The following NRG1 variants were observed in gnomAD, a reference collection of about 807,000 sequenced individuals.
NRG1 encodes neuregulin 1.
Under a neutral mutation model 63.8 loss-of-function variants are expected in NRG1, and 18 were observed. The observed-to-expected ratio is 0.28, with a 90% CI of 0.19 to 0.42. The LOEUF is 0.42. Among genes scored for constraint, NRG1 ranks in the 10% least tolerant of loss-of-function variants. NRG1 has a pLI of 1.00. For synonymous variants in NRG1, 302 were observed against 301.3 expected (o/e 1.00, Z -0.02); for missense variants, 762 against 814.7 (o/e 0.94, Z 0.79).
chr8:32,052,391 T>G (rs1822133673), intron 1 of NRG1, among the ~76,000 whole-genome samples: 1 of 146,094 alleles, frequency 6.8e-6, no homozygotes, highest in South Asian at 2.4e-4. Flanking sequence ...TCCTCCCACC[T>G]CAGCCAACTG....
chr8:32,387,109 A>G (rs897076853), intron 1 of NRG1, among the ~76,000 whole-genome samples: 1 of 152,226 alleles, frequency 6.6e-6, no homozygotes, highest in Non-Finnish European at 1.5e-5. Flanking sequence ...CTTGAACTTA[A>G]GTAACATAGG....
At chr8:32,449,762 G>T (rs1820733103) in intron 1 of NRG1, among the ~76,000 whole-genome samples, 1 of 152,100 alleles carries the variant, frequency 6.6e-6, no homozygotes, top group Non-Finnish European at 1.5e-5. Flanking sequence ...CTTTTTTGGT[G>T]TTTATTTTTT....
At chr8:31,961,019 AT>A (rs376400215) in intron 1 of NRG1, among the ~76,000 whole-genome samples, 6 of 151,722 alleles carry the variant, frequency 4.0e-5, no homozygotes, top group East Asian at 1.9e-4. Context: ...AGTCCTTGGA[AT>A]TTTTTTTTCA....
chr8:32,679,631 C>T (rs1471423419), intron 5 of NRG1, among the ~76,000 whole-genome samples: 1 of 152,144 alleles, frequency 6.6e-6, no homozygotes, highest in Non-Finnish European at 1.5e-5. Flanking sequence ...AGTGTTTAGG[C>T]ATTTCTTACC....
chr8:32,326,568 A>G (rs761634845), intron 1 of NRG1, among the ~76,000 whole-genome samples: 2 of 152,056 alleles, frequency 1.3e-5, no homozygotes, highest in African/African-American at 4.8e-5. Flanking sequence ...CAAGCAATCA[A>G]TCTATCTGCC....
At chr8:32,518,173 C>T (rs1563574872) in intron 1 of NRG1, among the ~76,000 whole-genome samples, 1 of 152,100 alleles carries the variant, frequency 6.6e-6, no homozygotes, top group Non-Finnish European at 1.5e-5. Flanking sequence ...CCTTTTCATG[C>T]TTGTTATTTT....
chr8:32,307,140 T>C (rs1856280192), intron 1 of NRG1, among the ~76,000 whole-genome samples: 2 of 152,120 alleles, frequency 1.3e-5, no homozygotes, highest in South Asian at 4.1e-4. Flanking sequence ...ATGGAATCCA[T>C]TGATAAATCA....
chr8:32,102,266 T>C (rs1450483836), intron 1 of NRG1, among the ~76,000 whole-genome samples: 1 of 152,098 alleles, frequency 6.6e-6, no homozygotes, highest in Admixed American at 6.5e-5. Flanking sequence ...GCCTCCCAAG[T>C]AGCTGGGACT....
At chr8:32,437,626 C>A (rs1230788298) in intron 1 of NRG1, among the ~76,000 whole-genome samples, 1 of 152,132 alleles carries the variant, frequency 6.6e-6, no homozygotes, top group Non-Finnish European at 1.5e-5. Flanking sequence ...GAAGAGCTTG[C>A]AAAATACCTT....
intron 6 of NRG1, among the ~76,000 whole-genome samples, chr8:32,735,054 TACAATGAAAG>T (rs1185295134): frequency 6.6e-6 from 1 of 152,164 alleles, no homozygotes; most frequent in African/African-American, 2.4e-5. Context: ...TAAGGGAATG[TACAATGAAAG>T]ACCTAGTCAG....
chr8:31,679,370 G>C (rs4354265), intron 1 of NRG1, among the ~76,000 whole-genome samples: 29,476 of 151,878 alleles, frequency 0.19, 3,370 homozygotes, highest in East Asian at 0.27. Context: ...TTTCTTAATA[G>C]AAAGTAAACT....
At chr8:32,768,246 C>A (rs1337931246), downstream of NRG1, among the ~76,000 whole-genome samples, 1 of 152,194 alleles carries the variant, frequency 6.6e-6, no homozygotes, top group Non-Finnish European at 1.5e-5. Flanking sequence ...AGAGAATATT[C>A]TAGGGCATGA....
At chr8:31,919,197 A>C (rs1005591084) in intron 1 of NRG1, among the ~76,000 whole-genome samples, 12 of 151,494 alleles carry the variant, frequency 7.9e-5, no homozygotes, top group African/African-American at 2.9e-4. Flanking sequence ...TTGTGTCTCT[A>C]TTTCCTTCCG....
chr8:32,473,563 T>C (rs886423088), intron 1 of NRG1, among the ~76,000 whole-genome samples: 16 of 152,234 alleles, frequency 1.1e-4, no homozygotes, highest in Admixed American at 9.8e-4. Context: ...CTAGACCAAA[T>C]ATACCTAATT....
chr8:32,757,045 AC>A (rs1301228020), intron 9 of NRG1, among the ~76,000 whole-genome samples: 9 of 152,074 alleles, frequency 5.9e-5, no homozygotes, highest in Non-Finnish European at 8.8e-5. Flanking sequence ...CTTATCAAAC[AC>A]CCTTCTCAGT....
intron 1 of NRG1, among the ~76,000 whole-genome samples, chr8:31,884,006 G>T (rs536766089): frequency 1.3e-5 from 2 of 152,020 alleles, no homozygotes; most frequent in Non-Finnish European, 2.9e-5. Context: ...CTCTGTTTCT[G>T]CATGTAACAG....
chr8:32,270,699 G>T (rs1478695968), intron 1 of NRG1, among the ~76,000 whole-genome samples: 4 of 152,166 alleles, frequency 2.6e-5, no homozygotes, highest in African/African-American at 4.8e-5. Context: ...GAGGTGATTT[G>T]CACAGGCTCA....
At chr8:32,563,650 G>A (rs566705237) in intron 1 of NRG1, among the ~76,000 whole-genome samples, 6 of 152,274 alleles carry the variant, frequency 3.9e-5, no homozygotes, top group Admixed American at 6.5e-5. Context: ...GGAAAATACA[G>A]GCTAAACAGA....
chr8:32,171,326 ATCAACCCG>A (rs1425281147), intron 1 of NRG1: 3 of 152,184 alleles, frequency 2.0e-5, no homozygotes, highest in Non-Finnish European at 4.4e-5. Flanking sequence ...TGCTGCACCT[ATCAACCCG>A]TCATCTAGGT....
Sources: allele counts gnomAD v4.1 joint callset (sites outside exome capture counted in the v4.1 genomes callset), GRCh38; gene constraint gnomAD v4.1.1; transcripts MANE v1.5; gene names NCBI Gene and HGNC (gene_info 2026-07-23, HGNC 2026-07-21).